The following BCL11A variants were observed in gnomAD, a reference collection of about 807,000 sequenced individuals.
The protein encoded by BCL11A is BCL11 transcription factor A, also known as B cell CLL/lymphoma 11A.
In BCL11A, 2 loss-of-function variants were observed where a neutral mutation model predicts 55.9. The ratio of observed to expected loss-of-function variants is 0.04; its 90% CI spans 0.01 to 0.11. The LOEUF (loss-of-function observed/expected upper bound fraction) is 0.11, where lower values mean the gene tolerates loss of function less well. Ranked by LOEUF, BCL11A falls within the 10% of genes least tolerant of loss-of-function variation. The pLI, the probability that BCL11A is intolerant of heterozygous loss-of-function variation, is 1.00. For missense variants in BCL11A, 817 were observed against 1,137.1 expected (o/e 0.72, Z 4.05); for synonymous variants, 465 against 473.4 (o/e 0.98, Z 0.23).
intron 2 of BCL11A, chr2:60,538,103 C>T (rs1269359958): frequency 1.3e-5 from 2 of 152,222 alleles, no homozygotes; most frequent in Non-Finnish European, 2.9e-5. Flanking sequence ...TAACATGCTG[C>T]CAGCCCTATC....
chr2:60,491,491 A>G (rs778154229), intron 2 of BCL11A, among the ~76,000 whole-genome samples: 3 of 151,878 alleles, frequency 2.0e-5, no homozygotes, highest in Non-Finnish European at 4.4e-5. Context: ...TGGACAACAC[A>G]GTGAAACCCC....
At chr2:60,532,719 C>T (rs1479343048) in intron 2 of BCL11A, 1 of 152,202 alleles carries the variant, frequency 6.6e-6, no homozygotes, top group African/African-American at 2.4e-5. Context: ...CTTTCTACCC[C>T]TCCACTCCCT....
chr2:60,461,608 G>T lies in BCL11A; in HGVS notation c.1304C>A (p.Thr435Lys). ...GGAGAGACCGTCGTCGGACTTGACC[G>T]TCATGGGGGACGATTTGTGCATGTG... is the stretch of plus-strand genomic sequence containing the variant. ...KTHMHKSSPM[T>K]VKSDDGLSTA... Residue 435 changes from threonine to lysine, a missense_variant, in exon 4 of 4, where the codon ACG (threonine) becomes AAG (lysine). Around this residue, in one of 4 missense-constraint regions of BCL11A, gnomAD observed 45 missense variants for 109.0 expected, o/e 0.41. Transcript: ENST00000642384. The T allele has an allele frequency of 6.2e-7, 1 of 1,613,526 alleles. No individual in the cohort carries two copies. The highest frequency in any genetic ancestry group is 8.5e-7 in the Non-Finnish European group (1 of 1,180,034).
At chr2:60,454,393 T>C (rs1348272842), downstream of BCL11A, among the ~76,000 whole-genome samples, 1 of 152,106 alleles carries the variant, frequency 6.6e-6, no homozygotes, top group East Asian at 1.9e-4. Flanking sequence ...TCCAAGCAGG[T>C]TGAGAGAACT....
At chr2:60,473,217 A>G (rs1284965954) in intron 2 of BCL11A, among the ~76,000 whole-genome samples, 2 of 147,974 alleles carry the variant, frequency 1.4e-5, no homozygotes, top group African/African-American at 5.0e-5. Flanking sequence ...TTTCCTAAAC[A>G]TATGTTTTTA....
chr2:60,483,216 A>G (rs1288174130), intron 2 of BCL11A, among the ~76,000 whole-genome samples: 1 of 152,230 alleles, frequency 6.6e-6, no homozygotes, highest in African/African-American at 2.4e-5. Flanking sequence ...CTAGCCAACA[A>G]TCAGGGTTTA....
At chr2:60,489,265 CACTT>C (rs1461577186) in intron 2 of BCL11A, among the ~76,000 whole-genome samples, 3 of 152,218 alleles carry the variant, frequency 2.0e-5, no homozygotes, top group African/African-American at 7.2e-5. Context: ...CCTTGTCAGT[CACTT>C]ACACTATTTC....
chr2:60,513,941 G>A (rs761007532), intron 2 of BCL11A, among the ~76,000 whole-genome samples: 43 of 152,198 alleles, frequency 2.8e-4, no homozygotes, highest in Admixed American at 1.6e-3. Context: ...GGATTGAGTC[G>A]AGACCTGGAT....
chr2:60,545,591 T>G, intron 2 of BCL11A: 1 of 205,146 alleles, frequency 4.9e-6, no homozygotes, highest in Non-Finnish European at 1.0e-5. Context: ...AATGCCTATA[T>G]GGCCACTTTG....
At chr2:60,482,803 G>A (rs565649842) in intron 2 of BCL11A, among the ~76,000 whole-genome samples, 147 of 152,332 alleles carry the variant, frequency 9.6e-4, no homozygotes, top group Non-Finnish European at 1.3e-3. Flanking sequence ...TGATTATACA[G>A]TGCCTTGCTT....
intron 2 of BCL11A, among the ~76,000 whole-genome samples, chr2:60,521,321 C>T (rs1014375040): frequency 6.6e-6 from 1 of 152,180 alleles, no homozygotes; most frequent in Non-Finnish European, 1.5e-5. Context: ...CTGTGTGAAG[C>T]GAGAGAGAGC....
intron 2 of BCL11A, among the ~76,000 whole-genome samples, chr2:60,470,123 G>T (rs1176439072): frequency 6.6e-6 from 1 of 152,116 alleles, no homozygotes. Context: ...ATGGTGTGCT[G>T]CTGAGAAGGC....
intron 2 of BCL11A, chr2:60,522,840 G>C (rs1419885446): frequency 1.3e-5 from 2 of 152,254 alleles, no homozygotes; most frequent in African/African-American, 2.4e-5. Context: ...CAGCTGACTA[G>C]ATATGTCAGT....
intron 2 of BCL11A, among the ~76,000 whole-genome samples, chr2:60,509,820 A>G (rs1401766516): frequency 2.6e-5 from 4 of 152,112 alleles, no homozygotes; most frequent in Non-Finnish European, 4.4e-5. Flanking sequence ...ACAGGGCAGT[A>G]GTCTAGCATC....
chr2:60,507,627 C>T (rs576055284), intron 2 of BCL11A, among the ~76,000 whole-genome samples: 1 of 152,244 alleles, frequency 6.6e-6, no homozygotes, highest in Admixed American at 6.5e-5. Flanking sequence ...GTCTCTTACA[C>T]AGGGCTGCCT....
intron 1 of BCL11A, chr2:60,551,044 G>A: frequency 5.0e-6 from 2 of 397,186 alleles, no homozygotes; most frequent in Non-Finnish European, 4.4e-6. Flanking sequence ...AAGTTCCAGG[G>A]CCCAGTGAAA....
intron 1 of BCL11A, among the ~76,000 whole-genome samples, chr2:60,552,076 G>C (rs1364669492): frequency 1.3e-5 from 2 of 152,020 alleles, no homozygotes; most frequent in South Asian, 4.2e-4. Flanking sequence ...GCAACTGAAG[G>C]GGTTTGGGGG....
intron 2 of BCL11A, among the ~76,000 whole-genome samples, chr2:60,473,709 G>A (rs1677353636): frequency 6.6e-6 from 1 of 152,150 alleles, no homozygotes; most frequent in Non-Finnish European, 1.5e-5. Context: ...TAGATTCTCT[G>A]ACTTATCAGA....
At chr2:60,468,444 G>C (rs947984834) in intron 3 of BCL11A, among the ~76,000 whole-genome samples, 1 of 152,100 alleles carries the variant, frequency 6.6e-6, no homozygotes, top group Non-Finnish European at 1.5e-5. Flanking sequence ...AGAGGCACAG[G>C]CATCTTCAAT....
Sources: gnomAD v4.1 joint callset for allele counts (sites outside exome capture counted in the v4.1 genomes callset) on GRCh38, gnomAD v4.1.1 for gene constraint, gnomAD v4.1.1 regional missense constraint, MANE v1.5 for transcripts, NCBI Gene and HGNC (gene_info 2026-07-23, HGNC 2026-07-21) for gene names.